The following C7orf78 variants were observed in gnomAD, a reference collection of about 807,000 sequenced individuals.
The protein encoded by C7orf78 is putative uncharacterized protein C7orf78.
At chr7:12,497,894 G>A in the C7orf78 span, among the ~76,000 whole-genome samples, 3 of 150,786 alleles carry the variant, frequency 2.0e-5, no homozygotes, top group Non-Finnish European at 4.4e-5. Context: ...TCTGAGAACG[G>A]GCAGACTGCC....
At chr7:12,494,965 AT>A in the C7orf78 span, among the ~76,000 whole-genome samples, 1 of 152,300 alleles carries the variant, frequency 6.6e-6, no homozygotes, top group East Asian at 1.9e-4. Context: ...CACAGTTGAC[AT>A]CCAAACTCAG....
At chr7:12,508,820 A>T in the C7orf78 span, among the ~76,000 whole-genome samples, 1 of 152,172 alleles carries the variant, frequency 6.6e-6, no homozygotes, top group East Asian at 1.9e-4. Flanking sequence ...CGTGAACCCT[A>T]TTGTGAACTG....
the C7orf78 span, among the ~76,000 whole-genome samples, chr7:12,522,134 A>G: frequency 4.6e-5 from 7 of 152,040 alleles, no homozygotes; most frequent in African/African-American, 1.7e-4. Context: ...ATGATCCTCT[A>G]TTTTGATTTT....
the C7orf78 span, among the ~76,000 whole-genome samples, chr7:12,510,973 C>G: frequency 6.6e-6 from 1 of 152,078 alleles, no homozygotes; most frequent in Non-Finnish European, 1.5e-5. Flanking sequence ...AAACCAATGT[C>G]CTGAGGAGCT....
chr7:12,523,012 G>C, the C7orf78 span: 1 of 398,244 alleles, frequency 2.5e-6, no homozygotes, highest in Non-Finnish European at 4.4e-6. Context: ...TATACCATGA[G>C]TCTCAGAGAG....
chr7:12,535,715 G>GCA, the C7orf78 span, among the ~76,000 whole-genome samples: 1 of 152,216 alleles, frequency 6.6e-6, no homozygotes, highest in Admixed American at 6.5e-5. Flanking sequence ...AAGCAAGTTA[G>GCA]TTACTTCCTA....
chr7:12,497,770 C>T, the C7orf78 span, among the ~76,000 whole-genome samples: 2 of 151,846 alleles, frequency 1.3e-5, no homozygotes, highest in African/African-American at 4.8e-5. Flanking sequence ...TAGGCTCCAC[C>T]TCTGGGGGCA....
chr7:12,519,565 C>T, the C7orf78 span, among the ~76,000 whole-genome samples: 1 of 152,308 alleles, frequency 6.6e-6, no homozygotes, highest in East Asian at 1.9e-4. Flanking sequence ...CCCACTCTCT[C>T]ACTGTGAACC....
At chr7:12,502,476 G>A in the C7orf78 span, among the ~76,000 whole-genome samples, 2 of 151,764 alleles carry the variant, frequency 1.3e-5, no homozygotes, top group African/African-American at 4.8e-5. Flanking sequence ...AAAAACACAT[G>A]AAAAAATGCT....
At chr7:12,519,201 G>A in the C7orf78 span, among the ~76,000 whole-genome samples, 1 of 152,078 alleles carries the variant, frequency 6.6e-6, no homozygotes, top group Non-Finnish European at 1.5e-5. Context: ...GCTCTTGGAG[G>A]CAGCAGCTGC....
At chr7:12,507,144 C>CAAA in the C7orf78 span, 9 of 115,746 alleles carry the variant, frequency 7.8e-5, no homozygotes, top group South Asian at 3.4e-4. Context: ...ACTAAAAATA[C>CAAA]AAAAAAAAAA....
the C7orf78 span, among the ~76,000 whole-genome samples, chr7:12,503,268 GAA>G: frequency 6.6e-6 from 1 of 150,830 alleles, no homozygotes; most frequent in Admixed American, 6.6e-5. Context: ...AAACACAAAA[GAA>G]AAAAAATATT....
chr7:12,539,445 C>T, the C7orf78 span, among the ~76,000 whole-genome samples: 1 of 152,156 alleles, frequency 6.6e-6, no homozygotes, highest in Non-Finnish European at 1.5e-5. Context: ...GCCTGGGTGA[C>T]AGAGTGAGAC....
At chr7:12,499,422 T>C in the C7orf78 span, among the ~76,000 whole-genome samples, 3 of 150,612 alleles carry the variant, frequency 2.0e-5, no homozygotes, top group Admixed American at 2.0e-4. Flanking sequence ...AAGGCAGGGG[T>C]TGCAATCCTA....
chr7:12,518,823 T>C, the C7orf78 span, among the ~76,000 whole-genome samples: 1 of 152,026 alleles, frequency 6.6e-6, no homozygotes, highest in East Asian at 1.9e-4. Context: ...CTAGAAAGCA[T>C]AGTGGCCCTG....
At chr7:12,508,067 A>C in the C7orf78 span, among the ~76,000 whole-genome samples, 1 of 152,210 alleles carries the variant, frequency 6.6e-6, no homozygotes, top group Non-Finnish European at 1.5e-5. Flanking sequence ...GTGGTCTGTA[A>C]GCCTTTTTAT....
At chr7:12,505,247 GA>G in the C7orf78 span, among the ~76,000 whole-genome samples, 8 of 152,012 alleles carry the variant, frequency 5.3e-5, no homozygotes, top group African/African-American at 1.7e-4. Context: ...TATTATGATT[GA>G]AATATATAAA....
chr7:12,532,004 C>G, the C7orf78 span, among the ~76,000 whole-genome samples: 1 of 152,164 alleles, frequency 6.6e-6, no homozygotes, highest in African/African-American at 2.4e-5. Context: ...AGGCTGGCCA[C>G]CCCACCCTAA....
the C7orf78 span, among the ~76,000 whole-genome samples, chr7:12,500,264 C>A: frequency 1.3e-5 from 2 of 151,936 alleles, no homozygotes; most frequent in African/African-American, 4.8e-5. Flanking sequence ...ACACAAGAAA[C>A]CCTTCAAAAA....
Sources: allele counts gnomAD v4.1 joint callset (sites outside exome capture counted in the v4.1 genomes callset), GRCh38; gene constraint gnomAD v4.1.1; transcripts MANE v1.5; gene names NCBI Gene and HGNC (gene_info 2026-07-23, HGNC 2026-07-21).